CTPS2: variants seen among roughly 807,000 people sequenced by gnomAD.
CTPS2 encodes CTP synthase 2.
CTPS2 carries 19 observed loss-of-function variants against 46.8 expected under a neutral mutation model. That is an observed-to-expected ratio of 0.41 (90% CI 0.28 to 0.60). The LOEUF (loss-of-function observed/expected upper bound fraction) is 0.60, where lower values mean the gene tolerates loss of function less well. Among genes scored for constraint, CTPS2 ranks in the 20% least tolerant of loss-of-function variants. The pLI is 0.35. For missense variants in CTPS2, 286 were observed against 447.6 expected, an observed-to-expected ratio of 0.64 and a Z score of 3.26; for synonymous variants, 151 against 165.2, an observed-to-expected ratio of 0.91 and a Z score of 0.66.
rs1014318764 is a variant in CTPS2, at chrX:16,684,828, T to C, written c.873-1602A>G. 6.3e-5 allele frequency among the ~76,000 whole-genome samples: 7 copies of C among 111,802 alleles called. No individual in the cohort carries two copies. In the South Asian group the frequency reaches 1.1e-3, roughly 18 times the overall value. The stretch of plus-strand genomic sequence containing the variant: ...GTAACGGGCCGGGCGTGGTGACTCA[T>C]GCCTGTAATCCCAACACTTTGGGAG... On this transcript the variant is annotated intron_variant, in intron 8 of 18. Transcript: ENST00000359276.
At chrX:16,707,600 G>A (rs182267193) in intron 1 of CTPS2, among the ~76,000 whole-genome samples, 40 of 111,602 alleles carry the variant, frequency 3.6e-4, no homozygotes, top group Admixed American at 3.5e-3. Flanking sequence ...CTTGAGCCCA[G>A]GAGGTCAAGG....
At chrX:16,706,861 CAAAA>C (rs1224536206) in intron 1 of CTPS2, among the ~76,000 whole-genome samples, 1 of 98,245 alleles carries the variant, frequency 1.0e-5, no homozygotes, top group African/African-American at 3.7e-5. Flanking sequence ...AACTCTGTCT[CAAAA>C]AAAAAACAAA....
chrX:16,656,144 T>C (rs776628643), intron 13 of CTPS2, among the ~76,000 whole-genome samples: 5 of 111,964 alleles, frequency 4.5e-5, no homozygotes, highest in South Asian at 7.4e-4. Flanking sequence ...TAAACACTTG[T>C]TTCTAATCGC....
chrX:16,604,337 T>C (rs747183314), intron 17 of CTPS2, among the ~76,000 whole-genome samples: 19 of 112,661 alleles, frequency 1.7e-4, no homozygotes, highest in Non-Finnish European at 3.4e-4. Flanking sequence ...AGTTTTTGCT[T>C]TCTGATATAC....
chrX:16,686,227 T>C (rs1923193485), intron 8 of CTPS2, among the ~76,000 whole-genome samples: 1 of 112,297 alleles, frequency 8.9e-6, no homozygotes, highest in African/African-American at 3.2e-5. Flanking sequence ...TAAAAGAGTA[T>C]ACTTGGATTG....
At chrX:16,695,113 T>C (rs1247812638) in intron 4 of CTPS2, among the ~76,000 whole-genome samples, 1 of 101,779 alleles carries the variant, frequency 9.8e-6, no homozygotes, top group Non-Finnish European at 2.0e-5. Context: ...GGCACCAAAA[T>C]CTAATTTTTG....
chrX:16,683,359 A>G, intron 8 of CTPS2, 133 bp from the exon 9 acceptor site: 1 of 606,895 alleles, frequency 1.6e-6, no homozygotes, highest in Non-Finnish European at 2.6e-6. Context: ...GCTACTCAGG[A>G]GGCTGAGGCG....
intron 17 of CTPS2, among the ~76,000 whole-genome samples, chrX:16,601,268 A>G (rs1038586509): frequency 4.5e-5 from 5 of 111,247 alleles, no homozygotes; most frequent in Non-Finnish European, 9.4e-5. Flanking sequence ...GCAACGTAAG[A>G]GAAGCATGCC....
At chrX:16,648,803 T>C (rs1932454639) in intron 13 of CTPS2, among the ~76,000 whole-genome samples, 2 of 112,361 alleles carry the variant, frequency 1.8e-5, no homozygotes, top group Admixed American at 1.9e-4. Flanking sequence ...GGGAAGCTTT[T>C]AAGGAATTCT....
intron 1 of CTPS2, among the ~76,000 whole-genome samples, chrX:16,711,292 C>CT (rs1296528300): frequency 2.7e-5 from 3 of 111,845 alleles, no homozygotes; most frequent in African/African-American, 9.7e-5. Context: ...TATTTGACAT[C>CT]TTTTTTGTGT....
intron 13 of CTPS2, 96 bp downstream of exon 13, chrX:16,667,418 G>T: frequency 2.2e-6 from 2 of 928,189 alleles, no homozygotes; most frequent in Non-Finnish European, 3.1e-6. Flanking sequence ...ACAGGGGTGA[G>T]CCATGGCGCC....
intron 4 of CTPS2, among the ~76,000 whole-genome samples, chrX:16,695,964 C>T (rs1266820605): frequency 8.9e-6 from 1 of 112,151 alleles, no homozygotes; most frequent in East Asian, 2.8e-4. Flanking sequence ...GATCCTCCTG[C>T]CTCAGCCTCC....
chrX:16,654,030 G>C (rs1047440593), intron 13 of CTPS2, among the ~76,000 whole-genome samples: 2 of 111,923 alleles, frequency 1.8e-5, no homozygotes, highest in East Asian at 5.6e-4. Context: ...AAAACCTTGG[G>C]GCAGGGGTCC....
intron 10 of CTPS2, among the ~76,000 whole-genome samples, chrX:16,675,365 T>G (rs1359443237): frequency 8.9e-6 from 1 of 111,826 alleles, no homozygotes; most frequent in African/African-American, 3.2e-5. Context: ...CTATAAGGTT[T>G]TATTAAAAAT....
At chrX:16,655,198 T>C (rs1390034853) in intron 13 of CTPS2, among the ~76,000 whole-genome samples, 2 of 112,275 alleles carry the variant, frequency 1.8e-5, no homozygotes, top group Non-Finnish European at 3.8e-5. Context: ...GCTTTCTTAA[T>C]GAATGACCCT....
intron 9 of CTPS2, among the ~76,000 whole-genome samples, chrX:16,679,851 G>T (rs1922590375): frequency 9.0e-6 from 1 of 111,725 alleles, no homozygotes; most frequent in Admixed American, 9.6e-5. Flanking sequence ...TGGACTTCCA[G>T]CCTCCAGAAC....
At chrX:16,706,585 G>A (rs1925028461) in intron 1 of CTPS2, among the ~76,000 whole-genome samples, 1 of 111,471 alleles carries the variant, frequency 9.0e-6, no homozygotes, top group South Asian at 3.7e-4. Context: ...GTTAGGCTGG[G>A]CATAGTGGCT....
At chrX:16,686,569 G>C (rs1326716647) in intron 8 of CTPS2, among the ~76,000 whole-genome samples, 4 of 112,103 alleles carry the variant, frequency 3.6e-5, no homozygotes, top group Non-Finnish European at 3.8e-5. Context: ...AGAAGAGAAG[G>C]GAAGAAGACA....
chrX:16,627,355 T>C (rs753760729), intron 14 of CTPS2, among the ~76,000 whole-genome samples: 22 of 112,407 alleles, frequency 2.0e-4, no homozygotes, highest in Non-Finnish European at 3.9e-4. Context: ...TTTGTTGTAT[T>C]TCGCTTGCAG....
Sources: allele counts gnomAD v4.1 joint callset (sites outside exome capture counted in the v4.1 genomes callset), GRCh38; gene constraint gnomAD v4.1.1; transcripts MANE v1.5; gene names NCBI Gene and HGNC (gene_info 2026-07-23, HGNC 2026-07-21).